DCC: variants seen among roughly 807,000 people sequenced by gnomAD.
DCC encodes DCC netrin 1 receptor.
In DCC, 58 loss-of-function variants were observed where a neutral mutation model predicts 172.5. That is an observed-to-expected ratio of 0.34 (90% CI 0.27 to 0.42). DCC has a LOEUF of 0.42. Among genes scored for constraint, DCC ranks in the 10% least tolerant of loss-of-function variants. DCC has a pLI of 1.00. For synonymous variants in DCC, 709 were observed against 644.5 expected, an observed-to-expected ratio of 1.10 and a Z score of -1.52; for missense variants, 1,740 against 1,791.0, an observed-to-expected ratio of 0.97 and a Z score of 0.51.
At chr18:52,467,698 C>T (rs1988827253) in intron 1 of DCC, among the ~76,000 whole-genome samples, 1 of 152,174 alleles carries the variant, frequency 6.6e-6, no homozygotes, top group Admixed American at 6.5e-5. Context: ...TCAACATCCT[C>T]TCCAGCATCT....
intron 5 of DCC, among the ~76,000 whole-genome samples, chr18:53,058,578 G>T (rs1049181638): frequency 3.9e-5 from 6 of 152,164 alleles, no homozygotes; most frequent in Non-Finnish European, 4.4e-5. Context: ...GGGACAAATA[G>T]ATCCCAGATC....
chr18:53,400,969 A>G (rs1436375804), intron 18 of DCC, among the ~76,000 whole-genome samples: 1 of 152,184 alleles, frequency 6.6e-6, no homozygotes, highest in Non-Finnish European at 1.5e-5. Flanking sequence ...AATTACTTCC[A>G]GAAGTGGAAA....
At chr18:52,607,913 A>G (rs1246910795) in intron 1 of DCC, among the ~76,000 whole-genome samples, 1 of 152,172 alleles carries the variant, frequency 6.6e-6, no homozygotes, top group East Asian at 1.9e-4. Flanking sequence ...TTGGATGAGC[A>G]GTGGGAAAGA....
intron 1 of DCC, among the ~76,000 whole-genome samples, chr18:52,727,417 C>G (rs1458220120): frequency 6.6e-6 from 1 of 152,086 alleles, no homozygotes; most frequent in Non-Finnish European, 1.5e-5. Flanking sequence ...CAACATGAAG[C>G]TGACAGTGTA....
chr18:53,149,083 G>C (rs1184008620), intron 7 of DCC, among the ~76,000 whole-genome samples: 1 of 151,676 alleles, frequency 6.6e-6, no homozygotes, highest in Non-Finnish European at 1.5e-5. Flanking sequence ...GGCTAGTCTT[G>C]AACTCCTGAC....
chr18:53,433,004 A>C (rs1270124207), intron 21 of DCC, among the ~76,000 whole-genome samples: 5 of 152,092 alleles, frequency 3.3e-5, no homozygotes, highest in Admixed American at 3.3e-4. Context: ...AACTTTTTAA[A>C]AAGTGCTTTC....
rs117637269 is a variant in DCC at position 53,347,437 on chromosome 18, A to C, written c.2359+7530A>C. On this transcript the variant is annotated intron_variant, in intron 15 of 28. Coordinates refer to ENST00000442544, the MANE Select transcript of DCC (RefSeq NM_005215.4). ...CCAAAAAGAGCTTACACCATCAGAGAATAATTGGAAACTCACAGTCCCATT... is the reference window on the plus strand; with the variant it reads ...CCAAAAAGAGCTTACACCATCAGAGCATAATTGGAAACTCACAGTCCCATT... 5.6e-3 allele frequency among the ~76,000 whole-genome samples: 853 copies of C among 152,300 alleles called. 6 individuals are homozygous for C. The highest frequency in any genetic ancestry group is 0.025 in the Admixed American group (375 of 15,282).
chr18:53,186,434 TGTC>T (rs1352257015), intron 9 of DCC, among the ~76,000 whole-genome samples: 1 of 152,192 alleles, frequency 6.6e-6, no homozygotes, highest in Admixed American at 6.5e-5. Flanking sequence ...TCGGGGATAT[TGTC>T]GTCATGCTGG....
chr18:52,835,829 C>T (rs2038694898), intron 2 of DCC, among the ~76,000 whole-genome samples: 1 of 152,008 alleles, frequency 6.6e-6, no homozygotes, highest in African/African-American at 2.4e-5. Context: ...ATCTTTTCAC[C>T]TAGGCATAAC....
chr18:53,340,924 A>C (rs993452207), intron 15 of DCC, among the ~76,000 whole-genome samples: 1 of 152,170 alleles, frequency 6.6e-6, no homozygotes, highest in Non-Finnish European at 1.5e-5. Context: ...TGAATAGCTA[A>C]AATGCAGTAG....
chr18:52,990,455 G>T lies in DCC; in HGVS notation c.985+65085G>T, dbSNP rs2041367450. ...CTTGGGAGGCTGAGGCAGGAGAATT[G>T]CTTGTACCTGGGAACCGGGGGTTAT... On this transcript the variant is annotated intron_variant, in intron 5 of 28. Transcript: ENST00000442544. 2.1e-5 allele frequency among the ~76,000 whole-genome samples: 3 copies of T among 141,974 alleles called. No homozygotes were observed. The South Asian group carries it at 6.7e-4, about 32-fold the overall frequency. 93.1% of individuals were successfully genotyped at this position (141,974 alleles called of 152,430 possible). A position where few individuals can be genotyped will look rare whatever the true frequency, so the allele number is the denominator to read the frequency against.
In DCC at chr18:52,558,145, TTTA is replaced by T. The variant is rs759192544; in HGVS notation, c.92-193903_92-193901del. ...CAGTTTCTTCATGTAGACATAACTG[TTTA>T]TTATTGAAAATTTAATATCATTATT... On this transcript the variant is annotated intron_variant, in intron 1 of 28. Transcript: ENST00000442544. Among the ~76,000 whole-genome samples the T allele has an allele frequency of 2.2e-4, 34 of 152,008 alleles. 1 individual carries two copies. Among genetic ancestry groups the T allele is most frequent in the Non-Finnish European group, 4.3e-4 (29 of 67,990 alleles).
rs544106481 is a variant in DCC at position 52,377,532 on chromosome 18, T to C, written c.91+36654T>C. 5.8e-3 allele frequency among the ~76,000 whole-genome samples: 876 copies of C among 152,296 alleles called. 10 individuals carry two copies. Among genetic ancestry groups the C allele is most frequent in the African/African-American group, 0.02 (832 of 41,552 alleles). ...TGATTTCACTGCTAGCATTTAGATATTGTTGTCTTTTGTCTTAAACTATGA... is the reference window on the plus strand; with the variant it reads ...TGATTTCACTGCTAGCATTTAGATACTGTTGTCTTTTGTCTTAAACTATGA... On this transcript the variant is annotated intron_variant, in intron 1 of 28. Coordinates refer to ENST00000442544, the MANE Select transcript of DCC (RefSeq NM_005215.4).
intron 19 of DCC, among the ~76,000 whole-genome samples, chr18:53,407,563 T>TATATATA (rs1421199559): frequency 9.8e-6 from 1 of 102,040 alleles, no homozygotes. Flanking sequence ...ATATTCACTA[T>TATATATA]TACTCTCTCT....
intron 1 of DCC, among the ~76,000 whole-genome samples, chr18:52,656,082 G>GTGTATATATA (rs2035246568): frequency 9.1e-6 from 1 of 109,454 alleles, no homozygotes; most frequent in African/African-American, 4.5e-5. Context: ...GTATATATAT[G>GTGTATATATA]TGTGTGTGTG....
At chr18:52,605,602 T>C (rs974589217) in intron 1 of DCC, among the ~76,000 whole-genome samples, 2 of 152,172 alleles carry the variant, frequency 1.3e-5, no homozygotes, top group Non-Finnish European at 2.9e-5. Context: ...TTTACAATTA[T>C]ATGTGGACAA....
chr18:52,761,654 GCA>G (rs886941124), intron 2 of DCC, among the ~76,000 whole-genome samples: 13 of 151,400 alleles, frequency 8.6e-5, no homozygotes, highest in African/African-American at 3.2e-4. Flanking sequence ...ACAAACCCAT[GCA>G]CACACACACA....
At chr18:52,763,426 C>T (rs2037193883) in intron 2 of DCC, among the ~76,000 whole-genome samples, 1 of 152,158 alleles carries the variant, frequency 6.6e-6, no homozygotes, top group Non-Finnish European at 1.5e-5. Context: ...GTTCCAGGAG[C>T]ATCCTTTGAA....
Position 53,530,558 on chromosome 18 carries a change from T to C in DCC, c.4255-6T>C. 1 of 1,482,168 alleles carries C rather than the reference T, an allele frequency of 6.7e-7. No individual in the cohort carries two copies. 91.8% of individuals were successfully genotyped at this position (1,482,168 alleles called of 1,614,324 possible). A position where few individuals can be genotyped will look rare whatever the true frequency, so the allele number is the denominator to read the frequency against. The stretch of plus-strand genomic sequence containing the variant: ...TACTAACTCTTGGCTCTCATTCTCT[T>C]TATAGGTGTATGAACAGGATGATCT... On this transcript the variant is annotated splice_polypyrimidine_tract_variant and splice_region_variant and intron_variant, in intron 28 of 28. Transcript: ENST00000442544.
Sources: gnomAD v4.1 joint callset for allele counts (sites outside exome capture counted in the v4.1 genomes callset) on GRCh38, gnomAD v4.1.1 for gene constraint, MANE v1.5 for transcripts, NCBI Gene and HGNC (gene_info 2026-07-23, HGNC 2026-07-21) for gene names.